Variants in WWOX observed in about 807,000 individuals in gnomAD.
WWOX encodes the protein WW domain containing oxidoreductase.
WWOX carries 69 observed loss-of-function variants against 46.2 expected under a neutral mutation model. The observed-to-expected ratio is 1.49, with a 90% CI of 1.23 to 1.82. WWOX has a LOEUF of 1.82. Among genes scored for constraint, WWOX ranks in the 40% most tolerant of loss-of-function variants. WWOX has a pLI of 0.00. For synonymous variants in WWOX, 359 were observed against 202.6 expected, an observed-to-expected ratio of 1.77 and a Z score of -6.56; for missense variants, 919 against 542.6, an observed-to-expected ratio of 1.69 and a Z score of -6.89.
intron 8 of WWOX, among the ~76,000 whole-genome samples, chr16:78,633,706 T>C (rs971400660): frequency 4.6e-5 from 7 of 152,142 alleles, no homozygotes; most frequent in African/African-American, 1.4e-4. Context: ...CGCTGTGAAG[T>C]GCAAAGTTGG....
At chr16:79,195,811 G>C (rs184176385) in intron 8 of WWOX, among the ~76,000 whole-genome samples, 2 of 152,336 alleles carry the variant, frequency 1.3e-5, no homozygotes, top group Admixed American at 1.3e-4. Flanking sequence ...GACTGGGTGA[G>C]TTTGACATTG....
chr16:78,805,628 G>A (rs988818231), intron 8 of WWOX, among the ~76,000 whole-genome samples: 1 of 152,076 alleles, frequency 6.6e-6, no homozygotes, highest in Admixed American at 6.5e-5. Flanking sequence ...CAGAAGAGTG[G>A]GATCTACTTT....
At chr16:78,593,869 G>A (rs2045411315) in intron 8 of WWOX, among the ~76,000 whole-genome samples, 1 of 152,156 alleles carries the variant, frequency 6.6e-6, no homozygotes, top group African/African-American at 2.4e-5. Context: ...CCATACATTT[G>A]TAAGCTGTAG....
chr16:78,522,789 G>A (rs1361363146), intron 8 of WWOX, among the ~76,000 whole-genome samples: 1 of 152,182 alleles, frequency 6.6e-6, no homozygotes, highest in African/African-American at 2.4e-5. Flanking sequence ...ATCTAACAGT[G>A]GGCCAGGCGC....
At chr16:78,327,039 C>G (rs552081058) in intron 5 of WWOX, among the ~76,000 whole-genome samples, 3 of 152,266 alleles carry the variant, frequency 2.0e-5, no homozygotes, top group African/African-American at 4.8e-5. Flanking sequence ...TTCCTCGATC[C>G]TCAGCACTGC....
intron 8 of WWOX, among the ~76,000 whole-genome samples, chr16:78,720,073 T>C (rs977383254): frequency 3.3e-5 from 5 of 152,222 alleles, no homozygotes; most frequent in Non-Finnish European, 7.3e-5. Flanking sequence ...GATTTCAATT[T>C]AATCGTATTG....
intron 6 of WWOX, among the ~76,000 whole-genome samples, chr16:78,412,836 A>G (rs568595901): frequency 6.6e-6 from 1 of 152,220 alleles, no homozygotes; most frequent in East Asian, 1.9e-4. Flanking sequence ...GGAGATGAAT[A>G]TTTCAAAACT....
At chr16:78,354,311 A>ATTTTTTTT (rs2081241416) in intron 5 of WWOX, among the ~76,000 whole-genome samples, 4 of 38,590 alleles carry the variant, frequency 1.0e-4, no homozygotes, top group Admixed American at 1.8e-4. Flanking sequence ...GATGTGCTTA[A>ATTTTTTTT]CTTTTTTTTT....
intron 8 of WWOX, among the ~76,000 whole-genome samples, chr16:78,821,789 C>T (rs182455656): frequency 1.3e-5 from 2 of 152,310 alleles, no homozygotes; most frequent in South Asian, 2.1e-4. Flanking sequence ...TAGTGTCAGA[C>T]ACAAAATAGT....
intron 8 of WWOX, among the ~76,000 whole-genome samples, chr16:78,520,334 AC>A (rs2043321390): frequency 6.6e-6 from 1 of 152,220 alleles, no homozygotes; most frequent in Non-Finnish European, 1.5e-5. Flanking sequence ...AAGGATACGC[AC>A]ATTAGAAGGA....
At chr16:78,611,977 C>T (rs2045911284) in intron 8 of WWOX, among the ~76,000 whole-genome samples, 1 of 152,134 alleles carries the variant, frequency 6.6e-6, no homozygotes, top group African/African-American at 2.4e-5. Flanking sequence ...ACAGCCTAGC[C>T]CACAGATGGG....
At chr16:78,908,861 T>C (rs1164531019) in intron 8 of WWOX, among the ~76,000 whole-genome samples, 1 of 152,226 alleles carries the variant, frequency 6.6e-6, no homozygotes, top group Non-Finnish European at 1.5e-5. Context: ...TGTTCGGTTT[T>C]ACCATAGTGA....
chr16:78,770,644 G>T (rs562571927), intron 8 of WWOX, among the ~76,000 whole-genome samples: 1 of 152,266 alleles, frequency 6.6e-6, no homozygotes, highest in East Asian at 1.9e-4. Flanking sequence ...GTGGAGTGCC[G>T]GGAAACTCCC....
At chr16:78,479,810 A>T (rs912362251) in intron 8 of WWOX, among the ~76,000 whole-genome samples, 1 of 152,196 alleles carries the variant, frequency 6.6e-6, no homozygotes, top group African/African-American at 2.4e-5. Context: ...CAAGACCCAA[A>T]CTATGAATGA....
intron 8 of WWOX, among the ~76,000 whole-genome samples, chr16:79,080,080 GAT>G (rs2048731959): frequency 6.6e-6 from 1 of 152,190 alleles, no homozygotes; most frequent in African/African-American, 2.4e-5. Context: ...GGCCCTCATG[GAT>G]TATTGGTTGT....
At chr16:79,074,437 T>TTTTTGG (rs2048614623) in intron 8 of WWOX, among the ~76,000 whole-genome samples, 1 of 136,616 alleles carries the variant, frequency 7.3e-6, no homozygotes, top group Non-Finnish European at 1.5e-5. Context: ...TTTTTTTTTT[T>TTTTTGG]TTTTTGGTCA....
chr16:78,789,973 T>G (rs2050552761), intron 8 of WWOX, among the ~76,000 whole-genome samples: 1 of 152,198 alleles, frequency 6.6e-6, no homozygotes, highest in African/African-American at 2.4e-5. Context: ...AGCCTCAGTT[T>G]CCCTGACTAT....
intron 8 of WWOX, among the ~76,000 whole-genome samples, chr16:79,181,100 T>G (rs940370707): frequency 6.6e-6 from 1 of 152,210 alleles, no homozygotes; most frequent in Non-Finnish European, 1.5e-5. Flanking sequence ...GCTCTACCTC[T>G]TCCCTTTGCT....
At chr16:78,627,746 A>G (rs758245532) in intron 8 of WWOX, among the ~76,000 whole-genome samples, 15 of 152,224 alleles carry the variant, frequency 9.9e-5, no homozygotes, top group Non-Finnish European at 1.3e-4. Context: ...TGTTAACTCT[A>G]TTTCATTTTG....
Sources: allele counts gnomAD v4.1 joint callset (sites outside exome capture counted in the v4.1 genomes callset), GRCh38; gene constraint gnomAD v4.1.1; transcripts MANE v1.5; gene names NCBI Gene and HGNC (gene_info 2026-07-23, HGNC 2026-07-21).